PTPRG: variants seen among roughly 807,000 people sequenced by gnomAD.
The protein encoded by PTPRG is receptor-type tyrosine-protein phosphatase gamma.
PTPRG carries 102 observed loss-of-function variants against 165.3 expected under a neutral mutation model. That is an observed-to-expected ratio of 0.62 (90% CI 0.53 to 0.73). The LOEUF (loss-of-function observed/expected upper bound fraction) is 0.73. Among genes scored for constraint, PTPRG ranks in the 30% least tolerant of loss-of-function variants. The pLI is 0.00. For missense variants in PTPRG, 1,866 were observed against 1,861.4 expected, an observed-to-expected ratio of 1.00 and a Z score of -0.05; for synonymous variants, 675 against 669.5, an observed-to-expected ratio of 1.01 and a Z score of -0.13.
intron 2 of PTPRG, among the ~76,000 whole-genome samples, chr3:61,876,213 A>C (rs2037736066): frequency 6.6e-6 from 1 of 152,220 alleles, no homozygotes; most frequent in Non-Finnish European, 1.5e-5. Context: ...GATATTCTAC[A>C]GTAAGTGATC....
At position 61,767,865 on chromosome 3, in the gene PTPRG, G is replaced by A. The variant is rs538568738; in HGVS notation, c.190+18883G>A. On this transcript the variant is annotated intron_variant, in intron 2 of 29. Transcript: ENST00000474889. ...CACGCCTGTAGTTCCAACTACTGTG[G>A]AGGCTTACATAGGAGGATTGCTTGA... 2.0e-5 allele frequency among the ~76,000 whole-genome samples: 3 copies of A among 151,418 alleles called. No homozygotes were observed. The East Asian group carries it at 5.8e-4, about 29-fold the overall frequency.
chr3:61,978,224 C>T (rs926367217), intron 2 of PTPRG, among the ~76,000 whole-genome samples: 6 of 152,132 alleles, frequency 3.9e-5, no homozygotes, highest in African/African-American at 7.2e-5. Flanking sequence ...GTATGGATTG[C>T]AAATGTGTTT....
At chr3:61,663,961 G>T (rs1702737677) in intron 1 of PTPRG, among the ~76,000 whole-genome samples, 1 of 152,152 alleles carries the variant, frequency 6.6e-6, no homozygotes, top group Non-Finnish European at 1.5e-5. Context: ...CTGTGTCCTG[G>T]GGGTTGGGGA....
At chr3:61,756,059 ATTG>A (rs1274584318) in intron 2 of PTPRG, among the ~76,000 whole-genome samples, 18 of 152,306 alleles carry the variant, frequency 1.2e-4, no homozygotes, top group South Asian at 2.1e-4. Context: ...GGCAAAATGA[ATTG>A]TTGTCCCCAA....
At chr3:61,875,440 C>T (rs2037709438) in intron 2 of PTPRG, among the ~76,000 whole-genome samples, 1 of 152,118 alleles carries the variant, frequency 6.6e-6, no homozygotes, top group Non-Finnish European at 1.5e-5. Flanking sequence ...ATTATACAGG[C>T]TACTCGATTA....
chr3:62,287,760 A>G (rs1052882981), intron 28 of PTPRG, among the ~76,000 whole-genome samples: 4 of 152,212 alleles, frequency 2.6e-5, no homozygotes, highest in African/African-American at 9.6e-5. Context: ...ACAGTTAACA[A>G]GCGTGATCTA....
chr3:61,597,210 C>G (rs1700723479), intron 1 of PTPRG, among the ~76,000 whole-genome samples: 1 of 152,130 alleles, frequency 6.6e-6, no homozygotes, highest in Admixed American at 6.5e-5. Flanking sequence ...TATGCTCCAC[C>G]CAACACTGCT....
intron 2 of PTPRG, among the ~76,000 whole-genome samples, chr3:61,764,950 A>G (rs969673448): frequency 6.6e-6 from 1 of 152,222 alleles, no homozygotes; most frequent in African/African-American, 2.4e-5. Context: ...ACATCCTACA[A>G]TGTACAGAAC....
chr3:62,091,304 CAGG>C (rs1701920914), intron 5 of PTPRG, among the ~76,000 whole-genome samples: 1 of 152,186 alleles, frequency 6.6e-6, no homozygotes, highest in Non-Finnish European at 1.5e-5. Context: ...CTCAGTAATT[CAGG>C]AGGAGGTAAC....
chr3:61,842,883 A>G (rs2036682544), intron 2 of PTPRG, among the ~76,000 whole-genome samples: 2 of 152,202 alleles, frequency 1.3e-5, no homozygotes, highest in Non-Finnish European at 2.9e-5. Context: ...CTAACTTTGC[A>G]TAAGTTAAGA....
intron 1 of PTPRG, among the ~76,000 whole-genome samples, chr3:61,651,730 C>T (rs921442027): frequency 2.0e-5 from 3 of 152,186 alleles, no homozygotes; most frequent in African/African-American, 7.2e-5. Flanking sequence ...AATCAAATAG[C>T]CAGGTGTGGT....
Position 62,271,250 on chromosome 3 carries a change from G to T in PTPRG, c.3010-133G>T. The T allele has an allele frequency of 1.4e-6, 1 of 709,302 alleles. No individual in the cohort carries two copies. Among genetic ancestry groups the T allele is most frequent in the Non-Finnish European group, 2.2e-6 (1 of 450,470 alleles). The allele number at this position is 709,302 out of a possible 1,614,324, so 43.9% of individuals were successfully genotyped here. A position where few individuals can be genotyped will look rare whatever the true frequency, so the allele number is the denominator to read the frequency against. On this transcript the variant is annotated intron_variant, in intron 20 of 29. Coordinates refer to ENST00000474889, the MANE Select transcript of PTPRG (RefSeq NM_002841.4). This position sits in a 1 kb window ranked among gnomAD's most constrained non-coding sequence, Gnocchi z 4.1. ...ATGGCATGAAAGTTGGCTACAAGGG[G>T]GAATAACCTAGCCTGGGAACAGTGA...
At chr3:62,099,158 T>A (rs1559503814) in intron 5 of PTPRG, among the ~76,000 whole-genome samples, 1 of 152,208 alleles carries the variant, frequency 6.6e-6, no homozygotes, top group African/African-American at 2.4e-5. Context: ...CAGGATTTGA[T>A]GGTATGAGGA....
At chr3:61,621,051 ATGTGTGTGTGTGTGTGTGTGTG>A (rs1173192341) in intron 1 of PTPRG, among the ~76,000 whole-genome samples, 14 of 117,964 alleles carry the variant, frequency 1.2e-4, no homozygotes, top group South Asian at 2.9e-4. Flanking sequence ...ATATATATAT[ATGTGTGTGTGTGTGTGTGTGTG>A]TGTGTATATT....
chr3:61,989,473 C>A, intron 2 of PTPRG, 152 bp from the exon 3 acceptor site: 1 of 647,228 alleles, frequency 1.5e-6, no homozygotes, highest in Non-Finnish European at 2.5e-6. Flanking sequence ...CTTGTCACAT[C>A]AGGCCAATGG....
At chr3:62,276,154 C>G (rs1446205530) in intron 24 of PTPRG, among the ~76,000 whole-genome samples, 188 bp downstream of exon 24, 1 of 152,010 alleles carries the variant, frequency 6.6e-6, no homozygotes, top group Non-Finnish European at 1.5e-5. Flanking sequence ...AGCCTCTTAC[C>G]TGGTACTACC....
chr3:61,795,933 A>C (rs1429853340), intron 2 of PTPRG, among the ~76,000 whole-genome samples: 1 of 152,118 alleles, frequency 6.6e-6, no homozygotes, highest in East Asian at 1.9e-4. Context: ...TGATATATTA[A>C]ATAATTGAAC....
chr3:61,812,797 G>A (rs1303601274), intron 2 of PTPRG, among the ~76,000 whole-genome samples: 4 of 152,196 alleles, frequency 2.6e-5, no homozygotes, highest in African/African-American at 9.6e-5. Flanking sequence ...TAAGAGTGTG[G>A]GAAGTGATAG....
rs559803830 is a variant in PTPRG at position 61,818,968 on chromosome 3, T to G, written c.190+69986T>G. ...ATGTTCCTTACTAAATCTTCTCAAA[T>G]CATCCCAGATAAATAATATAGAGAA... On this transcript the variant is annotated intron_variant, in intron 2 of 29. Coordinates refer to ENST00000474889, the MANE Select transcript of PTPRG (RefSeq NM_002841.4). Among the ~76,000 whole-genome samples, 12 of 152,108 alleles carry G rather than the reference T, an allele frequency of 7.9e-5. No individual in the cohort carries two copies. The South Asian group carries it at 2.5e-3, about 32-fold the overall frequency.
Sources: gnomAD v4.1 joint callset for allele counts (sites outside exome capture counted in the v4.1 genomes callset) on GRCh38, gnomAD v4.1.1 for gene constraint, Gnocchi (gnomAD v3.1) non-coding constraint, MANE v1.5 for transcripts, NCBI Gene and HGNC (gene_info 2026-07-23, HGNC 2026-07-21) for gene names.